The following PALM3 variants were observed in gnomAD, a reference collection of about 807,000 sequenced individuals.
The protein encoded by PALM3 is paralemmin-3.
Under a neutral mutation model 27.9 loss-of-function variants are expected in PALM3, and 20 were observed. The observed-to-expected ratio is 0.72, with a 90% CI of 0.50 to 1.04. PALM3 has a LOEUF of 1.04. Ranked by LOEUF, PALM3 falls within the 50% of genes least tolerant of loss-of-function variation. The pLI, the probability that PALM3 is intolerant of heterozygous loss-of-function variation, is 0.00. For synonymous variants in PALM3, 328 were observed against 352.7 expected, an observed-to-expected ratio of 0.93 and a Z score of 0.79; for missense variants, 814 against 869.4, an observed-to-expected ratio of 0.94 and a Z score of 0.80.
chr19:14,057,408 C>G lies in PALM3; in HGVS notation c.114G>C (p.Glu38Asp), dbSNP rs1417259443. 1.3e-6 allele frequency: 2 copies of G among 1,543,200 alleles called. No individual in the cohort carries two copies. Among genetic ancestry groups the G allele is most frequent in the Non-Finnish European group, 1.7e-6 (2 of 1,145,084 alleles). ...CCACCTCCCGGCGCGCGGCGCGGAT[C>G]TCCTCCTGCAGCCGCCGCTTCTCCT... ...VIAEKRRLQEEIRAARREVEE... is the reference protein window; with the variant it reads ...VIAEKRRLQEDIRAARREVEE... The change falls in exon 3 of 7, where the codon GAG becomes GAC. Residue 38 changes from glutamate to aspartate, a missense_variant. Physicochemically the swap from Glu to Asp is conservative, Grantham distance 45. Coordinates refer to ENST00000669674, the MANE Select transcript of PALM3 (RefSeq NM_001145028.2).
intron 1 of PALM3, 51 bp from the exon 2 acceptor site, chr19:14,059,214 C>A (rs956911321): frequency 3.5e-6 from 5 of 1,426,298 alleles, no homozygotes; most frequent in African/African-American, 3.1e-5. Flanking sequence ...GAACGCCCCC[C>A]TCTTGGCCAA....
chr19:14,060,300 A>G (rs1440739106), intron 1 of PALM3, among the ~76,000 whole-genome samples: 1 of 151,736 alleles, frequency 6.6e-6, no homozygotes, highest in Non-Finnish European at 1.5e-5. Context: ...TATATATATG[A>G]TATATATATA....
At chr19:14,058,328 T>G (rs1976354180) in intron 2 of PALM3, among the ~76,000 whole-genome samples, 1 of 138,060 alleles carries the variant, frequency 7.2e-6, no homozygotes, top group Non-Finnish European at 1.5e-5. Context: ...TGCGAAGAGA[T>G]AGGGTACAGA....
chr19:14,061,858 G>C, intron 1 of PALM3, 82 bp downstream of exon 1: 2 of 893,260 alleles, frequency 2.2e-6, no homozygotes, highest in Non-Finnish European at 2.7e-6. Context: ...TGGAGCTCTC[G>C]GCTCCCAGAC....
intron 1 of PALM3, among the ~76,000 whole-genome samples, chr19:14,060,449 C>A (rs1976395447): frequency 6.6e-6 from 1 of 151,860 alleles, no homozygotes. Context: ...CAGCTAAGAA[C>A]AAAATCAGCC....
Position 14,057,787 on chromosome 19 carries a change from A to G in PALM3, c.91-356T>C, listed in dbSNP as rs1976337645. On this transcript the variant is annotated intron_variant, in intron 2 of 6. Transcript: ENST00000669674. Reference sequence around the variant, plus strand: ...AGGGGCAGAGCTGGGGAGCTCCGAGATACGAGGTTAAGAGAAATGGGGATC... The same window carrying G: ...AGGGGCAGAGCTGGGGAGCTCCGAGGTACGAGGTTAAGAGAAATGGGGATC... Among the ~76,000 whole-genome samples the G allele has an allele frequency of 2.0e-5, 3 of 151,998 alleles. No homozygotes were observed. The South Asian group carries it at 6.2e-4, about 32-fold the overall frequency.
chr19:14,060,658 A>G (rs1976397666), intron 1 of PALM3, among the ~76,000 whole-genome samples: 1 of 152,172 alleles, frequency 6.6e-6, no homozygotes, highest in South Asian at 2.1e-4. Context: ...CTGAGAACAC[A>G]GCTGGCGAGG....
At position 14,058,873 on chromosome 19, in the gene PALM3, TG is replaced by T. The variant is rs548985781; in HGVS notation, c.90+241del. 4.6e-3 allele frequency among the ~76,000 whole-genome samples: 701 copies of T among 151,314 alleles called. 3 individuals carry two copies. Among genetic ancestry groups the T allele is most frequent in the Non-Finnish European group, 7.9e-3 (532 of 67,732 alleles). On this transcript the variant is annotated intron_variant, in intron 2 of 6. Transcript: ENST00000669674. The stretch of plus-strand genomic sequence containing the variant: ...CTCAGGCATGGGGTTTTTGGGAGGC[TG>T]GGGTTCAGGAATGAGGCATAGCCGA...
Position 14,054,316 on chromosome 19 carries a change from T to G in PALM3, c.1356A>C (p.Arg452Ser). Residue 452 changes from arginine to serine, a missense_variant, in exon 7 of 7, where the codon AGA becomes AGC. By Grantham distance (110) the Arg-to-Ser change is moderately radical (BLOSUM62 -1). Transcript: ENST00000669674. ...GGEKKLELES[R>S]GSAEKLGTER... The stretch of plus-strand genomic sequence containing the variant: ...CTGTTCCCAGCTTTTCTGCACTTCC[T>G]CTGCTCTCCAGCTCCAACTTCTTCT... 1 of 1,552,282 alleles carries G rather than the reference T, an allele frequency of 6.4e-7. No homozygotes were observed. The highest frequency in any genetic ancestry group is 8.7e-7 in the Non-Finnish European group (1 of 1,147,130).
rs1048430328 is a variant in PALM3, at chr19:14,057,557, C to G, written c.91-126G>C. The G allele has an allele frequency of 1.7e-5, 13 of 767,634 alleles. No homozygotes were observed. The African/African-American group carries it at 2.1e-4, about 12-fold the overall frequency. The allele number at this position is 767,634 out of a possible 1,614,324, so 47.6% of individuals were successfully genotyped here. A position where few individuals can be genotyped will look rare whatever the true frequency, so the allele number is the denominator to read the frequency against. ...CTCCCGGGGCTCCCGAGGCAGCGAG[C>G]CCGGCGGGGGTGGCCCAGCGCGGGT... On this transcript the variant is annotated intron_variant, in intron 2 of 6. Transcript: ENST00000669674.
At chr19:14,056,918 TGCG>T in intron 3 of PALM3, 114 bp from the exon 4 acceptor site, 11 of 1,030,692 alleles carry the variant, frequency 1.1e-5, no homozygotes, top group Non-Finnish European at 1.4e-5. Flanking sequence ...CACAACCAGT[TGCG>T]ACATACATCA....
At chr19:14,061,424 C>T (rs1355904947) in intron 1 of PALM3, among the ~76,000 whole-genome samples, 1 of 152,216 alleles carries the variant, frequency 6.6e-6, no homozygotes, top group African/African-American at 2.4e-5. Flanking sequence ...TCTTGCTTAT[C>T]TCTAACTAAC....
intron 3 of PALM3, chr19:14,057,035 A>G: frequency 1.7e-6 from 1 of 591,658 alleles, no homozygotes. Context: ...AGTGAAATCA[A>G]TGTCCCTCCC....
At position 14,053,435 on chromosome 19, in the gene PALM3, A is replaced by C; in HGVS notation, c.*170T>G. Reference sequence around the variant, plus strand: ...GCAGAAGGAGGCCAGGGTTACAGGCAGTGGGCAAGGGGTCTGGAAGCCCAG... The same window carrying C: ...GCAGAAGGAGGCCAGGGTTACAGGCCGTGGGCAAGGGGTCTGGAAGCCCAG... On this transcript the variant is annotated 3_prime_UTR_variant, in exon 7 of 7. Coordinates refer to ENST00000669674, the MANE Select transcript of PALM3 (RefSeq NM_001145028.2). 1.5e-6 allele frequency: 1 copy of C among 647,402 alleles called. No homozygotes were observed. Among genetic ancestry groups the C allele is most frequent in the Middle Eastern group, 4.5e-4 (1 of 2,198 alleles). The allele number at this position is 647,402 out of a possible 1,614,324, so 40.1% of individuals were successfully genotyped here.
chr19:14,053,834 C>A lies in PALM3; in HGVS notation c.1838G>T (p.Gly613Val), dbSNP rs372005056. Reference sequence around the variant, plus strand: ...TGTGGCATCCCCCAAGGGGCCTTGGCCCTCAGCAGCGGTTTGGGGCTTCAC... The same window carrying A: ...TGTGGCATCCCCCAAGGGGCCTTGGACCTCAGCAGCGGTTTGGGGCTTCAC... ...EGVKPQTAAE[G>V]QGPLGDATPL... Residue 613 changes from glycine (G) to valine (V), a missense_variant, in exon 7 of 7, where the codon GGC becomes GTC. Gly to Val is a moderately radical substitution (Grantham distance 109). Coordinates refer to ENST00000669674, the MANE Select transcript of PALM3 (RefSeq NM_001145028.2). The A allele has an allele frequency of 3.8e-4, 595 of 1,550,690 alleles. 2 individuals carry two copies. The African/African-American group carries it at 7.3e-3, about 19-fold the overall frequency.
At position 14,054,835 on chromosome 19, in the gene PALM3, C is replaced by T. The variant is rs778609273; in HGVS notation, c.837G>A (p.Pro279=). ...DRKGAGSLEL[P]AWVKEDRGIV... is the part of the protein sequence containing the mutation. ...TGCCCCTGTCCTCCTTCACCCAGGC[C>T]GGGAGCTCCAGGCTACCAGCTCCCT... Residue 279 remains proline (P), a synonymous_variant, in exon 7 of 7, where the codon CCG becomes CCA. Coordinates refer to ENST00000669674, the MANE Select transcript of PALM3 (RefSeq NM_001145028.2). The T allele has an allele frequency of 1.7e-4, 271 of 1,549,028 alleles. 1 individual carries two copies. The highest frequency in any genetic ancestry group is 2.1e-4 in the Non-Finnish European group (240 of 1,145,818).
intron 1 of PALM3, among the ~76,000 whole-genome samples, chr19:14,060,130 C>A (rs1418354588): frequency 1.3e-5 from 2 of 152,166 alleles, no homozygotes; most frequent in East Asian, 3.9e-4. Flanking sequence ...TGTCTCTCTG[C>A]CTGTCATCTC....
chr19:14,057,563 G>C (rs1355266555), intron 2 of PALM3, 132 bp from the exon 3 acceptor site: 18 of 711,486 alleles, frequency 2.5e-5, no homozygotes, highest in Admixed American at 3.9e-5. Flanking sequence ...CGAGCCCGGC[G>C]GGGGTGGCCC....
chr19:14,053,735 C>A lies in PALM3; in HGVS notation c.1937G>T (p.Ser646Ile). 6.5e-7 allele frequency: 1 copy of A among 1,530,604 alleles called. No individual in the cohort carries two copies. Among genetic ancestry groups the A allele is most frequent in the Non-Finnish European group, 8.8e-7 (1 of 1,137,474 alleles). 94.8% of individuals were successfully genotyped at this position (1,530,604 alleles called of 1,614,324 possible). ...CQPLLQGEGP[S>I]ANPSAHPVPT... The stretch of plus-strand genomic sequence containing the variant: ...CACAGGGTGGGCACTGGGGTTGGCG[C>A]TGGGCCCCTCCCCCTGAAGCAGTGG... The change falls in exon 7 of 7, where the codon AGC becomes ATC. Residue 646 changes from serine (S) to isoleucine (I), a missense_variant. Physicochemically the swap from Ser to Ile is moderately radical, Grantham distance 142 (BLOSUM62 -2). Transcript: ENST00000669674.
Sources: allele counts gnomAD v4.1 joint callset (sites outside exome capture counted in the v4.1 genomes callset), GRCh38; gene constraint gnomAD v4.1.1; transcripts MANE v1.5; gene names NCBI Gene and HGNC (gene_info 2026-07-23, HGNC 2026-07-21).